RIMS2: variants seen among roughly 807,000 people sequenced by gnomAD.
RIMS2 encodes the protein regulating synaptic membrane exocytosis protein 2.
In RIMS2, 59 loss-of-function variants were observed where a neutral mutation model predicts 174.4. That is an observed-to-expected ratio of 0.34 (90% confidence interval 0.27 to 0.42). The LOEUF (loss-of-function observed/expected upper bound fraction) is 0.42. Among genes scored for constraint, RIMS2 ranks in the 10% least tolerant of loss-of-function variants. The probability of loss-of-function intolerance (pLI) is 1.00; values close to 1 mark genes in which losing one functional copy is unlikely to be tolerated. For missense variants in RIMS2, 1,620 were observed against 1,666.3 expected, an observed-to-expected ratio of 0.97 and a Z score of 0.48; for synonymous variants, 606 against 572.5, an observed-to-expected ratio of 1.06 and a Z score of -0.84.
intron 19 of RIMS2, among the ~76,000 whole-genome samples, chr8:104,057,692 A>T (rs967797992): frequency 6.7e-6 from 1 of 148,636 alleles, no homozygotes; most frequent in Non-Finnish European, 1.5e-5. Context: ...AGCATTAGGT[A>T]TATCTCCTAA....
At chr8:104,207,836 A>C (rs939334970) in intron 19 of RIMS2, among the ~76,000 whole-genome samples, 1 of 149,296 alleles carries the variant, frequency 6.7e-6, no homozygotes, top group Non-Finnish European at 1.5e-5. Context: ...ATATATGTAT[A>C]TAATATATAT....
At chr8:104,117,827 A>G (rs2098303972) in intron 19 of RIMS2, among the ~76,000 whole-genome samples, 2 of 152,248 alleles carry the variant, frequency 1.3e-5, no homozygotes, top group African/African-American at 4.8e-5. Flanking sequence ...CATGATATCT[A>G]CATAGCCTTG....
intron 3 of RIMS2, among the ~76,000 whole-genome samples, chr8:103,836,427 T>G (rs2098891754): frequency 6.6e-6 from 1 of 152,106 alleles, no homozygotes; most frequent in African/African-American, 2.4e-5. Context: ...CCAGTCATGG[T>G]GTTGCACACC....
At chr8:103,978,528 A>C (rs2093637988) in intron 16 of RIMS2, among the ~76,000 whole-genome samples, 1 of 152,272 alleles carries the variant, frequency 6.6e-6, no homozygotes. Flanking sequence ...AGAAAGGGTC[A>C]AACTGCAGCT....
At chr8:103,669,289 G>T (rs1057328316) in intron 1 of RIMS2, among the ~76,000 whole-genome samples, 9 of 152,166 alleles carry the variant, frequency 5.9e-5, no homozygotes, top group African/African-American at 1.9e-4. Flanking sequence ...CTCCCCCTGG[G>T]TTCTTCCCAA....
At chr8:103,912,653 AAG>A in intron 6 of RIMS2, among the ~76,000 whole-genome samples, 1 of 152,134 alleles carries the variant, frequency 6.6e-6, no homozygotes, top group East Asian at 1.9e-4. Context: ...ATGTGCACTT[AAG>A]AGAGAGTACT....
chr8:104,094,074 A>G (rs927054716), intron 19 of RIMS2, among the ~76,000 whole-genome samples: 2 of 151,964 alleles, frequency 1.3e-5, no homozygotes, highest in Admixed American at 6.6e-5. Flanking sequence ...ATATATGCAT[A>G]GAAAAAGTCC....
At chr8:103,524,887 T>C (rs943770232) in intron 1 of RIMS2, among the ~76,000 whole-genome samples, 3 of 152,228 alleles carry the variant, frequency 2.0e-5, no homozygotes, top group African/African-American at 7.2e-5. Context: ...CCTGGAATAC[T>C]GATGCTGCTC....
At chr8:103,804,011 A>G (rs575559258) in intron 3 of RIMS2, among the ~76,000 whole-genome samples, 1 of 152,310 alleles carries the variant, frequency 6.6e-6, no homozygotes, top group South Asian at 2.1e-4. Context: ...CTCCTGACCT[A>G]TGGAAACTGC....
At chr8:103,567,023 C>G (rs953987105) in intron 1 of RIMS2, among the ~76,000 whole-genome samples, 1 of 152,194 alleles carries the variant, frequency 6.6e-6, no homozygotes, top group Non-Finnish European at 1.5e-5. Context: ...TCCTAGGCAA[C>G]CACTAATCTT....
Position 103,803,837 on chromosome 8 carries a change from A to T in RIMS2, c.698+37300A>T, listed in dbSNP as rs539459134. On this transcript the variant is annotated intron_variant, in intron 3 of 23. Coordinates refer to ENST00000504942, the Ensembl canonical transcript of RIMS2. ...TAGTACATCTCTGTCAGCAGGTGAG[A>T]AAGTGAGGACCTAAGTCTTTGAGCC... Among the ~76,000 whole-genome samples, 4 of 152,272 alleles carry T rather than the reference A, an allele frequency of 2.6e-5. No individual in the cohort carries two copies. In the East Asian group the frequency reaches 7.7e-4, roughly 29 times the overall value.
chr8:104,187,501 T>C (rs2098974474), intron 19 of RIMS2, among the ~76,000 whole-genome samples: 1 of 151,846 alleles, frequency 6.6e-6, no homozygotes, highest in African/African-American at 2.4e-5. Context: ...TGACATCTTT[T>C]ATTCTATCAC....
At chr8:103,517,080 C>T (rs1274970089) in intron 1 of RIMS2, among the ~76,000 whole-genome samples, 1 of 152,208 alleles carries the variant, frequency 6.6e-6, no homozygotes, top group African/African-American at 2.4e-5. Flanking sequence ...AGGACACAGT[C>T]TCTGCCCTTG....
rs375855205 is a variant in RIMS2 at position 103,605,730 on chromosome 8, A to G, written c.177-91356A>G. On this transcript the variant is annotated intron_variant, in intron 1 of 23. Transcript: ENST00000504942. ...AACTTCTTCCTGGTTTAGTCTTGGG[A>G]GAGTGTATGTGTCGAGGAATTTATC... Among the ~76,000 whole-genome samples, 25 of 152,172 alleles carry G rather than the reference A, an allele frequency of 1.6e-4. No homozygotes were observed. In the East Asian group the frequency reaches 2.7e-3, roughly 16 times the overall value.
rs2098101679 is a variant in RIMS2, at chr8:103,760,682, A to AAGATCT, written c.388-5543_388-5538dup. ...CCAAACACAATGTGGGCCAGAGGGA[A>AAGATCT]AGATCTATGGTGGGACTGCATTCCT... On this transcript the variant is annotated intron_variant, in intron 2 of 23. Coordinates refer to ENST00000504942, the Ensembl canonical transcript of RIMS2. 2.0e-5 allele frequency among the ~76,000 whole-genome samples: 3 copies of AAGATCT among 152,298 alleles called. No individual in the cohort carries two copies. In the South Asian group the frequency reaches 6.2e-4, roughly 32 times the overall value.
intron 2 of RIMS2, among the ~76,000 whole-genome samples, chr8:103,764,173 T>C (rs1341707330): frequency 6.6e-6 from 1 of 152,190 alleles, no homozygotes; most frequent in African/African-American, 2.4e-5. Flanking sequence ...ATTTTATTTT[T>C]CAACTGTTAC....
chr8:104,211,372 AG>A (rs1341362605), intron 19 of RIMS2, among the ~76,000 whole-genome samples: 1 of 152,224 alleles, frequency 6.6e-6, no homozygotes, highest in Non-Finnish European at 1.5e-5. Flanking sequence ...AAGATCATGA[AG>A]CAGAAAATAA....
At chr8:104,061,909 C>T (rs773521225) in intron 19 of RIMS2, among the ~76,000 whole-genome samples, 1 of 151,948 alleles carries the variant, frequency 6.6e-6, no homozygotes, top group Non-Finnish European at 1.5e-5. Context: ...TGCACGTTGA[C>T]ATTTCTTTAG....
At chr8:103,647,652 G>A (rs1328199972) in intron 1 of RIMS2, among the ~76,000 whole-genome samples, 1 of 152,074 alleles carries the variant, frequency 6.6e-6, no homozygotes, top group East Asian at 1.9e-4. Flanking sequence ...TCAGCCTTGG[G>A]TAGGTGTATG....
Sources: gnomAD v4.1 joint callset for allele counts (sites outside exome capture counted in the v4.1 genomes callset) on GRCh38, gnomAD v4.1.1 for gene constraint, MANE v1.5 for transcripts, NCBI Gene and HGNC (gene_info 2026-07-23, HGNC 2026-07-21) for gene names.